PAK3: variants seen among roughly 807,000 people sequenced by gnomAD.
PAK3 encodes the protein serine/threonine-protein kinase PAK 3.
A neutral mutation model predicts 41.0 loss-of-function variants in PAK3; 4 were observed. The observed-to-expected ratio is 0.10, with a 90% CI of 0.05 to 0.22. The LOEUF (loss-of-function observed/expected upper bound fraction) is 0.22. Among genes scored for constraint, PAK3 ranks in the 10% least tolerant of loss-of-function variants. The probability of loss-of-function intolerance (pLI) is 1.00; values close to 1 mark genes in which losing one functional copy is unlikely to be tolerated. For synonymous variants in PAK3, 146 were observed against 139.6 expected, an observed-to-expected ratio of 1.05 and a Z score of -0.32; for missense variants, 205 against 409.9, an observed-to-expected ratio of 0.50 and a Z score of 4.32.
chrX:110,999,650 G>T (rs1311027032), intron 1 of PAK3, among the ~76,000 whole-genome samples: 5 of 104,997 alleles, frequency 4.8e-5, no homozygotes, highest in Non-Finnish European at 1.9e-5. Context: ...GGTGGTGGTG[G>T]TAGTGGTATT....
At chrX:110,979,896 G>A (rs938753252) in intron 1 of PAK3, among the ~76,000 whole-genome samples, 2 of 111,953 alleles carry the variant, frequency 1.8e-5, no homozygotes, top group Admixed American at 9.5e-5. Context: ...CAGCTGGGTT[G>A]GACTCATATC....
intron 11 of PAK3, among the ~76,000 whole-genome samples, chrX:111,177,383 T>C (rs1275816164): frequency 2.7e-5 from 3 of 112,241 alleles, no homozygotes; most frequent in African/African-American, 9.7e-5. Flanking sequence ...GGGCTCCATC[T>C]TCCATAAATC....
intron 1 of PAK3, among the ~76,000 whole-genome samples, chrX:111,042,703 A>C (rs1178110686): frequency 8.9e-6 from 1 of 111,831 alleles, no homozygotes; most frequent in Non-Finnish European, 1.9e-5. Context: ...GTGTCCAAAA[A>C]ACAAATTTGT....
intron 1 of PAK3, among the ~76,000 whole-genome samples, chrX:111,035,357 A>G (rs767109141): frequency 3.6e-5 from 4 of 111,347 alleles, no homozygotes; most frequent in Non-Finnish European, 7.5e-5. Flanking sequence ...GACTTACCCA[A>G]ATCTCTAAGC....
chrX:110,962,225 T>C (rs967565415), intron 1 of PAK3, among the ~76,000 whole-genome samples: 3 of 112,145 alleles, frequency 2.7e-5, no homozygotes, highest in Non-Finnish European at 5.6e-5. Context: ...CTCAAAGCAG[T>C]GTGTCCCAAA....
chrX:111,057,781 A>G (rs371584942), intron 1 of PAK3, among the ~76,000 whole-genome samples: 1 of 111,699 alleles, frequency 9.0e-6, no homozygotes, highest in East Asian at 2.8e-4. Flanking sequence ...CTAATTCCAG[A>G]ACATTTTCAT....
chrX:111,061,581 A>G (rs753676004), intron 1 of PAK3, among the ~76,000 whole-genome samples: 4 of 111,922 alleles, frequency 3.6e-5, no homozygotes, highest in African/African-American at 1.3e-4. Flanking sequence ...GAGAATTTAT[A>G]TCCTTAACAT....
chrX:111,022,566 A>T (rs112188261), intron 1 of PAK3, among the ~76,000 whole-genome samples: 2,129 of 111,572 alleles, frequency 0.019, 54 homozygotes, highest in African/African-American at 0.067. Flanking sequence ...ATACAACAAA[A>T]TAGAACCTCC....
intron 5 of PAK3, among the ~76,000 whole-genome samples, chrX:111,129,907 A>G (rs2093695553): frequency 9.0e-6 from 1 of 111,621 alleles, no homozygotes; most frequent in Admixed American, 9.5e-5. Context: ...ACAAAGGCTA[A>G]GGGATATGAA....
intron 11 of PAK3, among the ~76,000 whole-genome samples, chrX:111,187,821 A>G (rs2094524962): frequency 9.1e-6 from 1 of 109,907 alleles, no homozygotes; most frequent in Non-Finnish European, 1.9e-5. Flanking sequence ...ACAAACCAAT[A>G]ACTTATTGGT....
intron 1 of PAK3, among the ~76,000 whole-genome samples, chrX:111,018,914 G>A (rs1018374546): frequency 9.0e-6 from 1 of 111,362 alleles, no homozygotes; most frequent in African/African-American, 3.3e-5. Flanking sequence ...TGGAGTAGAA[G>A]AGAGCCCAGA....
intron 10 of PAK3, 111 bp from the exon 11 acceptor site, chrX:111,172,906 CA>C (rs2094362086): frequency 1.9e-6 from 1 of 531,460 alleles, no homozygotes; most frequent in Non-Finnish European, 3.4e-6. Context: ...CTGACTCTGG[CA>C]TCTTAATTTT....
intron 1 of PAK3, among the ~76,000 whole-genome samples, chrX:111,059,140 G>GA (rs1472317218): frequency 1.8e-4 from 5 of 28,414 alleles, no homozygotes; most frequent in African/African-American, 2.8e-4. Flanking sequence ...TTTTTTTTTT[G>GA]AAAAAAAAGG....
intron 11 of PAK3, among the ~76,000 whole-genome samples, chrX:111,186,658 T>G (rs2094513864): frequency 9.0e-6 from 1 of 111,580 alleles, no homozygotes; most frequent in South Asian, 3.8e-4. Flanking sequence ...TGGAAAAACA[T>G]TCAATGCTCA....
intron 4 of PAK3, among the ~76,000 whole-genome samples, chrX:111,105,770 A>G (rs1043472268): frequency 4.1e-4 from 46 of 111,441 alleles, no homozygotes; most frequent in Non-Finnish European, 3.4e-4. Context: ...ATCACACTCT[A>G]TACCAAACTT....
chrX:111,108,289 T>G (rs1488012259), intron 4 of PAK3, among the ~76,000 whole-genome samples: 2 of 112,036 alleles, frequency 1.8e-5, no homozygotes, highest in African/African-American at 6.5e-5. Flanking sequence ...ACTCTGTTAC[T>G]GGGCCTAAAG....
At chrX:111,192,024 T>C (rs2094565135) in intron 11 of PAK3, 103 bp from the exon 12 acceptor site, 1 of 518,402 alleles carries the variant, frequency 1.9e-6, no homozygotes, top group African/African-American at 2.4e-5. Context: ...TAATTTTGAG[T>C]TTGCTAATTT....
chrX:111,039,217 T>C (rs771976347), intron 1 of PAK3, among the ~76,000 whole-genome samples: 106 of 112,591 alleles, frequency 9.4e-4, no homozygotes, highest in Admixed American at 3.4e-3. Context: ...AAAGCAGCTA[T>C]TACTTTGAAA....
intron 1 of PAK3, among the ~76,000 whole-genome samples, chrX:111,047,986 GA>G (rs199593589): frequency 1.8e-5 from 2 of 110,751 alleles, no homozygotes; most frequent in Non-Finnish European, 3.8e-5. Context: ...ACACTGTCTA[GA>G]AAAAAAAGTC....
Sources: allele counts gnomAD v4.1 joint callset (sites outside exome capture counted in the v4.1 genomes callset), GRCh38; gene constraint gnomAD v4.1.1; transcripts MANE v1.5; gene names NCBI Gene and HGNC (gene_info 2026-07-23, HGNC 2026-07-21).